Variants in SLC8A3 observed in about 807,000 individuals in gnomAD.
The protein encoded by SLC8A3 is sodium/calcium exchanger 3.
Under a neutral mutation model 65.4 loss-of-function variants are expected in SLC8A3, and 37 were observed. That is an observed-to-expected ratio of 0.57 (90% CI 0.44 to 0.74). SLC8A3 has a LOEUF of 0.74. Ranked by LOEUF, SLC8A3 falls within the 30% of genes least tolerant of loss-of-function variation. The probability of loss-of-function intolerance (pLI) is 0.00; values close to 1 mark genes in which losing one functional copy is unlikely to be tolerated. For missense variants in SLC8A3, 1,112 were observed against 1,172.1 expected (o/e 0.95, Z 0.75); for synonymous variants, 461 against 444.5 (o/e 1.04, Z -0.47).
chr14:70,084,258 C>T (rs1041873418), intron 2 of SLC8A3, among the ~76,000 whole-genome samples: 1 of 152,214 alleles, frequency 6.6e-6, no homozygotes, highest in Non-Finnish European at 1.5e-5. Context: ...TGGTATCTCA[C>T]ATGCTTAGGC....
Position 70,048,976 on chromosome 14 carries a change from T to C in SLC8A3, c.2180A>G (p.His727Arg). 1 of 1,614,186 alleles carries C rather than the reference T, an allele frequency of 6.2e-7. No individual in the cohort carries two copies. ...CACCTTCCAGAAGACAGTCAGGAAG[T>C]GCATGACGTAGTCAAAGCAGGAGGG... ...RLPSCFDYVM[H>R]FLTVFWKVLF... The change falls in exon 6 of 7, where the codon CAC becomes CGC. Residue 727 changes from histidine to arginine, a missense_variant. His to Arg is a conservative substitution (Grantham distance 29). Transcript: ENST00000356921.
At chr14:70,070,207 T>C (rs1889883120) in intron 2 of SLC8A3, among the ~76,000 whole-genome samples, 1 of 152,246 alleles carries the variant, frequency 6.6e-6, no homozygotes, top group Non-Finnish European at 1.5e-5. Flanking sequence ...TACCAATAGT[T>C]ACATAGTGCT....
At chr14:70,114,206 C>T (rs1893504611) in intron 2 of SLC8A3, among the ~76,000 whole-genome samples, 1 of 152,196 alleles carries the variant, frequency 6.6e-6, no homozygotes, top group Non-Finnish European at 1.5e-5. Flanking sequence ...GACCACCTGA[C>T]ATCTTACAGT....
At chr14:70,073,080 T>TC (rs112566587) in intron 2 of SLC8A3, among the ~76,000 whole-genome samples, 1 of 145,064 alleles carries the variant, frequency 6.9e-6, no homozygotes, top group African/African-American at 2.5e-5. Flanking sequence ...TCCCTTCCCT[T>TC]CCTTCCTTCC....
chr14:70,088,184 G>A (rs1415834689), intron 2 of SLC8A3, among the ~76,000 whole-genome samples: 1 of 152,234 alleles, frequency 6.6e-6, no homozygotes, highest in African/African-American at 2.4e-5. Flanking sequence ...ACAGTGGGTA[G>A]GCCCATGTGG....
intron 2 of SLC8A3, among the ~76,000 whole-genome samples, chr14:70,088,847 A>G (rs1469345266): frequency 6.6e-6 from 1 of 152,040 alleles, no homozygotes; most frequent in Non-Finnish European, 1.5e-5. Flanking sequence ...GACTACCCCC[A>G]TTTCCAATCA....
intron 2 of SLC8A3, among the ~76,000 whole-genome samples, chr14:70,088,748 C>T (rs1461309104): frequency 6.6e-6 from 1 of 152,134 alleles, no homozygotes; most frequent in Non-Finnish European, 1.5e-5. Context: ...TTCTTATTTT[C>T]TTTACCAAAG....
chr14:70,125,270 A>G (rs1894365009), intron 2 of SLC8A3, among the ~76,000 whole-genome samples: 1 of 152,146 alleles, frequency 6.6e-6, no homozygotes, highest in Non-Finnish European at 1.5e-5. Flanking sequence ...TGTATTCATC[A>G]CCCAAATAAT....
intron 2 of SLC8A3, among the ~76,000 whole-genome samples, chr14:70,082,337 G>T (rs2140009157): frequency 6.6e-6 from 1 of 152,290 alleles, no homozygotes; most frequent in South Asian, 2.1e-4. Context: ...CACCAGGTAG[G>T]TGAAGGAACG....
intron 1 of SLC8A3, among the ~76,000 whole-genome samples, chr14:70,184,077 C>G (rs1409854360): frequency 6.6e-6 from 1 of 152,150 alleles, no homozygotes. Flanking sequence ...TTACCTACAA[C>G]TGTCTTGGTA....
intron 2 of SLC8A3, among the ~76,000 whole-genome samples, chr14:70,111,268 A>G (rs986033715): frequency 5.3e-5 from 8 of 152,226 alleles, no homozygotes; most frequent in African/African-American, 1.7e-4. Flanking sequence ...TGATCAATGC[A>G]TCAGATTTTC....
At chr14:70,069,744 C>T (rs1303769067) in intron 2 of SLC8A3, among the ~76,000 whole-genome samples, 1 of 152,200 alleles carries the variant, frequency 6.6e-6, no homozygotes, top group East Asian at 1.9e-4. Context: ...GCCCCTGTTC[C>T]ATGAGAAGGC....
chr14:70,141,744 A>G lies in SLC8A3; in HGVS notation c.1784+24895T>C, dbSNP rs146293331. ...AGGAAATAGCGTTTAGTTTTAATGAATATCAGGAATCAATTAATGTATACT... is the reference window on the plus strand; with the variant it reads ...AGGAAATAGCGTTTAGTTTTAATGAGTATCAGGAATCAATTAATGTATACT... On this transcript the variant is annotated intron_variant, in intron 2 of 6. Coordinates refer to ENST00000356921, the MANE Select transcript of SLC8A3 (RefSeq NM_182932.3). Among the ~76,000 whole-genome samples, 10 of 152,360 alleles carry G rather than the reference A, an allele frequency of 6.6e-5. No individual in the cohort carries two copies. The East Asian group carries it at 1.9e-3, about 29-fold the overall frequency.
chr14:70,121,627 G>C (rs1211652425), intron 2 of SLC8A3, among the ~76,000 whole-genome samples: 1 of 152,174 alleles, frequency 6.6e-6, no homozygotes, highest in African/African-American at 2.4e-5. Flanking sequence ...GGTTTGGAGT[G>C]TGGATTGTGG....
At chr14:70,077,110 GT>G (rs933924709) in intron 2 of SLC8A3, among the ~76,000 whole-genome samples, 2 of 152,132 alleles carry the variant, frequency 1.3e-5, no homozygotes, top group African/African-American at 4.8e-5. Flanking sequence ...TGGTCTGTCT[GT>G]TTAAGTTATA....
chr14:70,118,481 C>T (rs969975122), intron 2 of SLC8A3, among the ~76,000 whole-genome samples: 2 of 152,184 alleles, frequency 1.3e-5, no homozygotes, highest in African/African-American at 4.8e-5. Context: ...TCAGCTCTGG[C>T]CATGTTGTAA....
intron 1 of SLC8A3, among the ~76,000 whole-genome samples, chr14:70,180,142 G>A (rs192554333): frequency 1.3e-5 from 2 of 152,352 alleles, no homozygotes; most frequent in Non-Finnish European, 2.9e-5. Flanking sequence ...CCATGGGGGA[G>A]GCTGACATCC....
intron 2 of SLC8A3, among the ~76,000 whole-genome samples, chr14:70,134,358 G>A (rs1351836290): frequency 6.6e-6 from 1 of 152,164 alleles, no homozygotes; most frequent in Non-Finnish European, 1.5e-5. Flanking sequence ...GTTGACTGGG[G>A]AGGGGGATTT....
chr14:70,046,971 G>C lies in SLC8A3; in HGVS notation c.2390-648C>G, dbSNP rs961596495. 2.0e-5 allele frequency: 3 copies of C among 152,154 alleles called. No individual in the cohort carries two copies. The highest frequency in any genetic ancestry group is 7.2e-5 in the African/African-American group (3 of 41,422). The allele number at this position is 152,154 out of a possible 1,614,324, so 9.4% of individuals were successfully genotyped here. ...CAGGGAGGACTGTCAGAGACATCTAGCCCAATTCTTTTATTTTACAGGTAA... is the reference window on the plus strand; with the variant it reads ...CAGGGAGGACTGTCAGAGACATCTACCCCAATTCTTTTATTTTACAGGTAA... On this transcript the variant is annotated intron_variant, in intron 6 of 6. Coordinates refer to ENST00000356921, the MANE Select transcript of SLC8A3 (RefSeq NM_182932.3). This position sits in a 1 kb window ranked among gnomAD's most constrained non-coding sequence, Gnocchi z 4.2.
Sources: allele counts gnomAD v4.1 joint callset (sites outside exome capture counted in the v4.1 genomes callset), GRCh38; gene constraint gnomAD v4.1.1; non-coding constraint Gnocchi (gnomAD v3.1); transcripts MANE v1.5; gene names NCBI Gene and HGNC (gene_info 2026-07-23, HGNC 2026-07-21).